The following ARID1B variants were observed in gnomAD, a reference collection of about 807,000 sequenced individuals.
The protein encoded by ARID1B is AT-rich interaction domain 1B.
Under a neutral mutation model 212.3 loss-of-function variants are expected in ARID1B, and 30 were observed. That is an observed-to-expected ratio of 0.14 (90% CI 0.11 to 0.19). The LOEUF (loss-of-function observed/expected upper bound fraction) is 0.19. Among genes scored for constraint, ARID1B ranks in the 10% least tolerant of loss-of-function variants. The pLI is 1.00. For missense variants in ARID1B, 2,891 were observed against 3,204.0 expected (o/e 0.90, Z 2.36); for synonymous variants, 1,402 against 1,301.7 (o/e 1.08, Z -1.66).
Position 157,031,626 on chromosome 6 carries a change from A to G in ARID1B, c.2248-53036A>G, listed in dbSNP as rs191600727. On this transcript the variant is annotated intron_variant, in intron 4 of 19. Coordinates refer to ENST00000636930, the MANE Select transcript of ARID1B (RefSeq NM_001374828.1). The stretch of plus-strand genomic sequence containing the variant: ...TTTAATGTTTAATTATGGTAAAGGT[A>G]TGATATCTATAATCACTGGAAAAAA... Among the ~76,000 whole-genome samples the G allele has an allele frequency of 1.6e-3, 245 of 152,318 alleles. 1 individual carries two copies. Among genetic ancestry groups the G allele is most frequent in the Non-Finnish European group, 9.0e-4 (61 of 68,026 alleles).
In ARID1B at chr6:157,210,449, C is replaced by T. The variant is rs1267810385; in HGVS notation, c.*2558C>T. 4.3e-6 allele frequency: 1 copy of T among 231,464 alleles called. No homozygotes were observed. The highest frequency in any genetic ancestry group is 8.5e-6 in the Non-Finnish European group (1 of 117,290). 14.3% of individuals were successfully genotyped at this position (231,464 alleles called of 1,614,324 possible). ...TTGCATTGTAACCGATACGCAGAGT[C>T]TGACCGTTGGGCAACAAGTTTTTCT... On this transcript the variant is annotated 3_prime_UTR_variant, in exon 20 of 20. Transcript: ENST00000636930.
chr6:156,858,182 A>T (rs1416518054), intron 2 of ARID1B, among the ~76,000 whole-genome samples: 2 of 151,884 alleles, frequency 1.3e-5, no homozygotes, highest in East Asian at 3.9e-4. Context: ...AAAAAAGTGA[A>T]CTCATGGAGC....
chr6:157,174,831 T>A lies in ARID1B; in HGVS notation c.3346-16T>A. 3 of 1,472,174 alleles carry A rather than the reference T, an allele frequency of 2.0e-6. No homozygotes were observed. Among genetic ancestry groups the A allele is most frequent in the Non-Finnish European group, 2.7e-6 (3 of 1,110,304 alleles). 91.2% of individuals were successfully genotyped at this position (1,472,174 alleles called of 1,614,324 possible). A position where few individuals can be genotyped will look rare whatever the true frequency, so the allele number is the denominator to read the frequency against. On this transcript the variant is annotated splice_polypyrimidine_tract_variant and intron_variant, in intron 10 of 19. Coordinates refer to ENST00000636930, the MANE Select transcript of ARID1B (RefSeq NM_001374828.1). The stretch of plus-strand genomic sequence containing the variant: ...CTACCTTTGTCATTTTTTTTTTTTT[T>A]ATTCCTCTACCACAGGATAGCTACA...
intron 2 of ARID1B, among the ~76,000 whole-genome samples, chr6:156,837,096 T>C (rs1171850438): frequency 1.3e-5 from 2 of 152,268 alleles, no homozygotes; most frequent in East Asian, 3.8e-4. Flanking sequence ...TCTTTCTTCT[T>C]CAAAGATTAG....
chr6:156,972,000 T>TGGG (rs1776965485), intron 4 of ARID1B, among the ~76,000 whole-genome samples: 1 of 152,132 alleles, frequency 6.6e-6, no homozygotes, highest in Admixed American at 6.5e-5. Context: ...CCAGGAATCC[T>TGGG]GGGGGACATC....
intron 16 of ARID1B, 50 bp downstream of exon 16, chr6:157,196,365 T>C (rs1269198807): frequency 6.4e-7 from 1 of 1,564,184 alleles, no homozygotes; most frequent in Non-Finnish European, 8.6e-7. Context: ...AAACCGTGCT[T>C]TCCTCACACA....
At chr6:157,132,877 T>C in intron 6 of ARID1B, 151 bp from the exon 7 acceptor site, 1 of 839,556 alleles carries the variant, frequency 1.2e-6, no homozygotes, top group East Asian at 2.9e-5. Flanking sequence ...CCGTCCACGC[T>C]GAACTGAGAT....
intron 1 of ARID1B, among the ~76,000 whole-genome samples, chr6:156,812,933 GGTGT>G (rs71027314): frequency 0.094 from 8,352 of 89,042 alleles, 620 homozygotes; most frequent in African/African-American, 0.16. Context: ...TATAATCCTG[GGTGT>G]GTGTGTGTGT....
intron 6 of ARID1B, among the ~76,000 whole-genome samples, chr6:157,116,924 T>TG (rs1478773512): frequency 6.6e-6 from 1 of 152,204 alleles, no homozygotes; most frequent in Middle Eastern, 3.2e-3. Flanking sequence ...CTGGGCGAGT[T>TG]GTGTATTTTC....
At position 156,777,569 on chromosome 6, in the gene ARID1B, T is replaced by A. The variant is rs561090892; in HGVS notation, c.-112T>A. On this transcript the variant is annotated 5_prime_UTR_variant, in exon 1 of 20. Transcript: ENST00000636930. Reference sequence around the variant, plus strand: ...GCGGGGCCTGCGGAGGGGGAGGGGGTCGCGGCTTCCCGGCGGGCCGCGTGG... The same window carrying A: ...GCGGGGCCTGCGGAGGGGGAGGGGGACGCGGCTTCCCGGCGGGCCGCGTGG... 6.8e-6 allele frequency: 1 copy of A among 147,556 alleles called. No homozygotes were observed. The highest frequency in any genetic ancestry group is 2.0e-4 in the East Asian group (1 of 4,926). 9.1% of individuals were successfully genotyped at this position (147,556 alleles called of 1,614,324 possible).
intron 4 of ARID1B, among the ~76,000 whole-genome samples, chr6:157,049,486 T>C (rs570563419): frequency 1.5e-4 from 23 of 152,304 alleles, no homozygotes; most frequent in Non-Finnish European, 3.2e-4. Flanking sequence ...GATTTCTTTT[T>C]TTTCCCCTAG....
chr6:156,921,468 CACACACACACACACACACACACACAA>C (rs1413147828), intron 3 of ARID1B, among the ~76,000 whole-genome samples: 119 of 149,726 alleles, frequency 7.9e-4, no homozygotes, highest in African/African-American at 2.8e-3. Flanking sequence ...CACACACACA[CACACACACACACACACACACACACAA>C]AATGTAAGGG....
intron 3 of ARID1B, among the ~76,000 whole-genome samples, chr6:156,925,708 G>T (rs1381343337): frequency 6.6e-6 from 1 of 152,112 alleles, no homozygotes; most frequent in African/African-American, 2.4e-5. Context: ...GTTTAGACAT[G>T]TGATTTTTAT....
At chr6:156,906,716 A>G (rs977882140) in intron 3 of ARID1B, among the ~76,000 whole-genome samples, 3 of 152,062 alleles carry the variant, frequency 2.0e-5, no homozygotes, top group African/African-American at 7.2e-5. Flanking sequence ...TGGTTTTCCA[A>G]TGCTTGCCTT....
intron 5 of ARID1B, among the ~76,000 whole-genome samples, chr6:157,103,488 G>A (rs1583311192): frequency 6.6e-6 from 1 of 152,192 alleles, no homozygotes; most frequent in East Asian, 1.9e-4. Flanking sequence ...CTTGTTCTAT[G>A]AAGTATGCTG....
intron 3 of ARID1B, among the ~76,000 whole-genome samples, chr6:156,934,797 A>G (rs924269770): frequency 2.3e-4 from 35 of 151,002 alleles, no homozygotes; most frequent in African/African-American, 8.0e-4. Flanking sequence ...CTGGGTTTAA[A>G]GACAGTTTGG....
At chr6:156,785,553 C>T (rs113298789) in intron 1 of ARID1B, among the ~76,000 whole-genome samples, 1,944 of 151,868 alleles carry the variant, frequency 0.013, 49 homozygotes, top group African/African-American at 0.045. Flanking sequence ...GTAAGCTATA[C>T]GTACATAACA....
At chr6:157,063,357 A>T (rs982452168) in intron 4 of ARID1B, among the ~76,000 whole-genome samples, 1 of 152,162 alleles carries the variant, frequency 6.6e-6, no homozygotes, top group African/African-American at 2.4e-5. Flanking sequence ...AGGTGCTCTC[A>T]TGCCCCTTTG....
intron 4 of ARID1B, among the ~76,000 whole-genome samples, chr6:157,053,092 T>C (rs1782713975): frequency 6.6e-6 from 1 of 150,524 alleles, no homozygotes; most frequent in Non-Finnish European, 1.5e-5. Flanking sequence ...GATTGATTGA[T>C]TGATTGATTT....
Sources: allele counts gnomAD v4.1 joint callset (sites outside exome capture counted in the v4.1 genomes callset), GRCh38; gene constraint gnomAD v4.1.1; transcripts MANE v1.5; gene names NCBI Gene and HGNC (gene_info 2026-07-23, HGNC 2026-07-21).